Variants in BCL2 observed in about 807,000 individuals in gnomAD.
BCL2 encodes BCL2 apoptosis regulator.
In BCL2, 1 loss-of-function variant was observed where a neutral mutation model predicts 14.2. The ratio of observed to expected loss-of-function variants is 0.07; its 90% CI spans 0.02 to 0.33. The LOEUF is 0.33. BCL2 is among the 10% of genes least tolerant of loss of function. The probability of loss-of-function intolerance (pLI) is 0.99; values close to 1 mark genes in which losing one functional copy is unlikely to be tolerated. For missense variants in BCL2, 247 were observed against 305.9 expected (o/e 0.81, Z 1.44); for synonymous variants, 151 against 137.2 (o/e 1.10, Z -0.70).
intron 2 of BCL2, among the ~76,000 whole-genome samples, chr18:63,153,824 G>A (rs1428063912): frequency 6.6e-6 from 1 of 152,186 alleles, no homozygotes; most frequent in Non-Finnish European, 1.5e-5. Flanking sequence ...AGCCAGTGGT[G>A]AGTCCAGAGG....
intron 2 of BCL2, among the ~76,000 whole-genome samples, chr18:63,308,502 A>G (rs562888463): frequency 6.6e-6 from 1 of 152,224 alleles, no homozygotes; most frequent in Non-Finnish European, 1.5e-5. Context: ...AGGCATATGT[A>G]CATACACTGT....
intron 2 of BCL2, among the ~76,000 whole-genome samples, chr18:63,261,633 T>G (rs1206813264): frequency 6.6e-6 from 1 of 152,182 alleles, no homozygotes; most frequent in Non-Finnish European, 1.5e-5. Flanking sequence ...ATAAACCATA[T>G]TTATATTATA....
rs1471182435 is a variant in BCL2, at chr18:63,128,669, C to T, written c.676G>A (p.Val226Met). The change falls in exon 3 of 3, where the codon GTG becomes ATG. Residue 226 changes from valine (V) to methionine (M), a missense_variant. Val to Met is a conservative substitution (Grantham distance 21). Around this residue, in one of 3 missense-constraint regions of BCL2, gnomAD observed 36 missense variants for 24.9 expected, o/e 1.45. Transcript: ENST00000333681. ...SLKTLLSLAL[V>M]GACITLGAYL... is the part of the protein sequence containing the mutation. ...GCACCCAGGGTGATGCAAGCTCCCA[C>T]CAGGGCCAAACTGAGCAGAGTCTTC... 4 of 780,946 alleles carry T rather than the reference C, an allele frequency of 5.1e-6. No homozygotes were observed. In the African/African-American group the frequency reaches 6.8e-5, roughly 13 times the overall value. 48.4% of individuals were successfully genotyped at this position (780,946 alleles called of 1,614,324 possible).
chr18:63,155,543 C>T (rs907665452), intron 2 of BCL2, among the ~76,000 whole-genome samples: 1 of 146,610 alleles, frequency 6.8e-6, no homozygotes, highest in Non-Finnish European at 1.5e-5. Context: ...AGGGTGGGCG[C>T]GGTAAAGAGA....
chr18:63,226,282 G>C (rs943144431), intron 2 of BCL2, among the ~76,000 whole-genome samples: 29 of 152,256 alleles, frequency 1.9e-4, no homozygotes, highest in African/African-American at 6.7e-4. Context: ...GGCAGGGCAG[G>C]CCATGGGTGG....
At chr18:63,244,612 C>G (rs1165410079) in intron 2 of BCL2, among the ~76,000 whole-genome samples, 1 of 152,156 alleles carries the variant, frequency 6.6e-6, no homozygotes. Context: ...CTCCCCTTAT[C>G]AGTATGTCTA....
intron 2 of BCL2, among the ~76,000 whole-genome samples, chr18:63,211,333 C>T (rs1321094892): frequency 6.6e-6 from 1 of 152,078 alleles, no homozygotes; most frequent in Admixed American, 6.5e-5. Flanking sequence ...GCTGGGATTC[C>T]AGGTGTGACC....
chr18:63,243,266 A>G (rs556535609), intron 2 of BCL2, among the ~76,000 whole-genome samples: 30 of 152,354 alleles, frequency 2.0e-4, no homozygotes, highest in African/African-American at 7.2e-4. Context: ...TCAGGAACAG[A>G]AAACCAAATA....
At chr18:63,274,929 T>C (rs1912112466) in intron 2 of BCL2, among the ~76,000 whole-genome samples, 1 of 152,160 alleles carries the variant, frequency 6.6e-6, no homozygotes, top group African/African-American at 2.4e-5. Context: ...GCTATTACAT[T>C]TGGGTCCTAC....
At chr18:63,258,056 C>T (rs548342613) in intron 2 of BCL2, among the ~76,000 whole-genome samples, 4 of 152,236 alleles carry the variant, frequency 2.6e-5, no homozygotes, top group African/African-American at 9.6e-5. Flanking sequence ...TGGGCTCTAA[C>T]CCAATAGGAC....
At chr18:63,257,127 AAGTT>A (rs769438179) in intron 2 of BCL2, among the ~76,000 whole-genome samples, 59 of 152,360 alleles carry the variant, frequency 3.9e-4, no homozygotes, top group African/African-American at 1.4e-3. Context: ...GCAAAATAAA[AAGTT>A]AGCATCTCTG....
At chr18:63,305,531 A>G (rs897934900) in intron 2 of BCL2, among the ~76,000 whole-genome samples, 1 of 152,218 alleles carries the variant, frequency 6.6e-6, no homozygotes, top group African/African-American at 2.4e-5. Context: ...GTTGTTGTGA[A>G]GATCAAATGG....
chr18:63,305,424 G>A (rs1310935021), intron 2 of BCL2, among the ~76,000 whole-genome samples: 2 of 152,128 alleles, frequency 1.3e-5, no homozygotes, highest in Non-Finnish European at 2.9e-5. Flanking sequence ...TTTGTTGGGC[G>A]AACTTTCTTC....
intron 2 of BCL2, among the ~76,000 whole-genome samples, chr18:63,183,728 C>G (rs1158198163): frequency 6.6e-6 from 1 of 152,166 alleles, no homozygotes; most frequent in Non-Finnish European, 1.5e-5. Context: ...GGGCGGGGGG[C>G]TTAAACAGAT....
At chr18:63,161,851 T>C (rs1474701199) in intron 2 of BCL2, 9 of 152,234 alleles carry the variant, frequency 5.9e-5, no homozygotes, top group African/African-American at 2.2e-4. Flanking sequence ...CTTACCTCCA[T>C]GTGTAAGCCA....
intron 2 of BCL2, among the ~76,000 whole-genome samples, chr18:63,218,024 G>T (rs1442023415): frequency 6.6e-6 from 1 of 152,184 alleles, no homozygotes; most frequent in Non-Finnish European, 1.5e-5. Context: ...AGGATAGAAA[G>T]ATAGGCCCCA....
In BCL2 at chr18:63,261,784, A is replaced by C. The variant is rs577378390; in HGVS notation, c.585+56298T>G. On this transcript the variant is annotated intron_variant, in intron 2 of 2. Coordinates refer to ENST00000333681, the MANE Select transcript of BCL2 (RefSeq NM_000633.3). ...TATACTAATTTTCTTTTTTGTTGTTATTTTTTCTTTTTTTTTTTTTATTTT... is the reference window on the plus strand; with the variant it reads ...TATACTAATTTTCTTTTTTGTTGTTCTTTTTTCTTTTTTTTTTTTTATTTT... Among the ~76,000 whole-genome samples the C allele has an allele frequency of 8.1e-5, 12 of 148,396 alleles. No homozygotes were observed. The South Asian group carries it at 1.9e-3, about 24-fold the overall frequency.
At chr18:63,279,006 C>T (rs770552702) in intron 2 of BCL2, among the ~76,000 whole-genome samples, 24 of 152,150 alleles carry the variant, frequency 1.6e-4, no homozygotes, top group Admixed American at 9.8e-4. Flanking sequence ...AAAGGAAACA[C>T]GCCCCTCCCA....
intron 2 of BCL2, among the ~76,000 whole-genome samples, chr18:63,194,358 GA>G (rs1161263897): frequency 1.1e-4 from 17 of 150,242 alleles, no homozygotes; most frequent in Non-Finnish European, 2.1e-4. Flanking sequence ...TTTTGAGATG[GA>G]GTCTCACTCT....
Sources: allele counts gnomAD v4.1 joint callset (sites outside exome capture counted in the v4.1 genomes callset), GRCh38; gene constraint gnomAD v4.1.1; regional missense constraint gnomAD v4.1.1; transcripts MANE v1.5; gene names NCBI Gene and HGNC (gene_info 2026-07-23, HGNC 2026-07-21).